Variants in SLC13A3 observed in about 807,000 individuals in gnomAD.
SLC13A3 encodes the protein Na(+)/dicarboxylate cotransporter 3.
Under a neutral mutation model 59.0 loss-of-function variants are expected in SLC13A3, and 40 were observed. The ratio of observed to expected loss-of-function variants is 0.68; its 90% confidence interval spans 0.53 to 0.88. SLC13A3 has a LOEUF of 0.88. Among genes scored for constraint, SLC13A3 ranks in the 40% least tolerant of loss-of-function variants. SLC13A3 has a pLI of 0.00. For missense variants in SLC13A3, 699 were observed against 783.2 expected (o/e 0.89, Z 1.28); for synonymous variants, 317 against 330.3 (o/e 0.96, Z 0.44).
chr20:46,613,693 C>G lies in SLC13A3; in HGVS notation c.144G>C (p.Met48Ile), dbSNP rs559408530. The change falls in exon 2 of 13, where the codon ATG becomes ATC. Residue 48 changes from methionine (M) to isoleucine (I), a missense_variant. By Grantham distance (10) the Met-to-Ile change is conservative. Coordinates refer to ENST00000279027, the MANE Select transcript of SLC13A3 (RefSeq NM_022829.6). ...EGRCLFVILL[M>I]AVYWCTEALP... is the part of the protein sequence containing the mutation. ...GGGCCTCCGTGCACCAGTACACCGC[C>G]ATGAGCAGGATGACAAACAAGCAGC... 6.2e-7 allele frequency: 1 copy of G among 1,607,272 alleles called. No individual in the cohort carries two copies. Among genetic ancestry groups the G allele is most frequent in the Admixed American group, 1.7e-5 (1 of 59,168 alleles).
chr20:46,567,198 T>A (rs1158232927), intron 10 of SLC13A3, among the ~76,000 whole-genome samples: 1 of 152,080 alleles, frequency 6.6e-6, no homozygotes, highest in Non-Finnish European at 1.5e-5. Flanking sequence ...AAAAGCTACA[T>A]ATATATATGT....
intron 3 of SLC13A3, among the ~76,000 whole-genome samples, chr20:46,601,269 C>CA (rs1296213482): frequency 6.6e-6 from 1 of 151,922 alleles, no homozygotes; most frequent in Non-Finnish European, 1.5e-5. Context: ...GGGAAAGGGG[C>CA]AAAAATGGAA....
chr20:46,574,706 A>G (rs888810517), intron 10 of SLC13A3, among the ~76,000 whole-genome samples: 1 of 152,204 alleles, frequency 6.6e-6, no homozygotes, highest in Admixed American at 6.5e-5. Context: ...GCTGTGTGAC[A>G]TTAGGTAAGG....
chr20:46,605,615 C>T (rs552933145), intron 3 of SLC13A3, among the ~76,000 whole-genome samples: 1 of 152,260 alleles, frequency 6.6e-6, no homozygotes, highest in African/African-American at 2.4e-5. Flanking sequence ...GAAACTGAGG[C>T]CTAGAGAGGT....
At chr20:46,677,109 T>C (rs1052761710) in intron 1 of SLC13A3, among the ~76,000 whole-genome samples, 33 of 152,188 alleles carry the variant, frequency 2.2e-4, no homozygotes, top group Admixed American at 2.2e-3. Context: ...AGACAGGGTT[T>C]CGCCATGTTG....
Position 46,589,244 on chromosome 20 carries a change from T to C in SLC13A3, c.932A>G (p.Lys311Arg). The change falls in exon 7 of 13, where the codon AAG becomes AGG. Residue 311 changes from lysine (K) to arginine (R), a missense_variant. Physicochemically the swap from Lys to Arg is conservative, Grantham distance 26. Coordinates refer to ENST00000279027, the MANE Select transcript of SLC13A3 (RefSeq NM_022829.6). ...ATTGGTTCTTATCTCAGATTTATTC[T>C]TCCTCCAGCCCCTGAAACAGAAAGT... Reference protein sequence around the residue: ...YGGLSFRGWRKNKSEIRTNAE... With the variant: ...YGGLSFRGWRRNKSEIRTNAE... 1 of 1,614,192 alleles carries C rather than the reference T, an allele frequency of 6.2e-7. No homozygotes were observed. The highest frequency in any genetic ancestry group is 8.5e-7 in the Non-Finnish European group (1 of 1,180,004).
chr20:46,606,821 C>T (rs1232241830), intron 3 of SLC13A3, among the ~76,000 whole-genome samples: 3 of 152,246 alleles, frequency 2.0e-5, no homozygotes, highest in Non-Finnish European at 4.4e-5. Flanking sequence ...TGCCTCCCCA[C>T]AGGGCTGTGG....
chr20:46,643,191 G>T (rs1009992723), intron 1 of SLC13A3, among the ~76,000 whole-genome samples: 1 of 152,114 alleles, frequency 6.6e-6, no homozygotes, highest in Non-Finnish European at 1.5e-5. Context: ...TACCCCATGG[G>T]TGGGAAGGGG....
At chr20:46,638,871 C>T (rs1380815059) in intron 1 of SLC13A3, among the ~76,000 whole-genome samples, 2 of 152,188 alleles carry the variant, frequency 1.3e-5, no homozygotes, top group East Asian at 3.8e-4. Context: ...GGCCTCTACC[C>T]ATCAGATGCC....
At chr20:46,614,214 T>C (rs569270013) in intron 1 of SLC13A3, among the ~76,000 whole-genome samples, 3 of 152,202 alleles carry the variant, frequency 2.0e-5, no homozygotes, top group South Asian at 2.1e-4. Context: ...TCAGTGTATG[T>C]CCCATGAGAA....
chr20:46,671,072 C>T (rs2063088615), upstream of SLC13A3, among the ~76,000 whole-genome samples: 1 of 152,066 alleles, frequency 6.6e-6, no homozygotes, highest in African/African-American at 2.4e-5. Context: ...GCCCAGTGCC[C>T]CTTTAGGAAC....
intron 10 of SLC13A3, 167 bp from the exon 11 acceptor site, chr20:46,566,557 G>T: frequency 1.5e-6 from 1 of 655,898 alleles, no homozygotes; most frequent in Non-Finnish European, 2.5e-6. Flanking sequence ...TTCGAGCCAA[G>T]GTCACACATC....
chr20:46,638,147 C>A (rs1386626558), intron 1 of SLC13A3, among the ~76,000 whole-genome samples: 1 of 152,186 alleles, frequency 6.6e-6, no homozygotes, highest in Non-Finnish European at 1.5e-5. Context: ...ACTGGCAGAG[C>A]AGGACTGGCT....
intron 1 of SLC13A3, among the ~76,000 whole-genome samples, chr20:46,661,654 C>T (rs1337510532): frequency 6.6e-6 from 1 of 152,086 alleles, no homozygotes. Flanking sequence ...AGGATTTTTT[C>T]AGCCTAGTTG....
intron 1 of SLC13A3, among the ~76,000 whole-genome samples, chr20:46,639,900 C>T (rs577395966): frequency 1.3e-5 from 2 of 152,286 alleles, no homozygotes; most frequent in East Asian, 3.9e-4. Context: ...GACCCTGGAG[C>T]CAGAATGGTG....
chr20:46,661,564 G>C (rs1363535475), intron 1 of SLC13A3, among the ~76,000 whole-genome samples: 2 of 151,288 alleles, frequency 1.3e-5, no homozygotes, highest in East Asian at 3.9e-4. Flanking sequence ...CTTGTGTAGA[G>C]CCAAGTTGCC....
At chr20:46,579,086 A>C (rs780192378) in intron 9 of SLC13A3, among the ~76,000 whole-genome samples, 1 of 152,078 alleles carries the variant, frequency 6.6e-6, no homozygotes, top group East Asian at 1.9e-4. Flanking sequence ...GCCTGGTTCT[A>C]TGTCCTGTCT....
rs2061951634 is a variant in SLC13A3, at chr20:46,563,548, TGGCCTG to T, written c.1495-3_1497del. 1 of 1,612,336 alleles carries T rather than the reference TGGCCTG, an allele frequency of 6.2e-7. No homozygotes were observed. Among genetic ancestry groups the T allele is most frequent in the Admixed American group, 1.7e-5 (1 of 59,828 alleles). ...TACAGGGGGTGCACTCTCAGGCGGA[TGGCCTG>T]GGCCAGGAAAAGGTGGGAGAGACCC... On this transcript the variant is annotated splice_acceptor_variant and splice_polypyrimidine_tract_variant and coding_sequence_variant and intron_variant, in exon 12 of 13. Coordinates refer to ENST00000279027, the MANE Select transcript of SLC13A3 (RefSeq NM_022829.6). LOFTEE classifies it high-confidence loss of function.
Position 46,563,400 on chromosome 20 carries a change from AT to A in SLC13A3, c.1632+13del, listed in dbSNP as rs140718691. ...CACATCCCGGGGCCTCTGCTGGGAA[AT>A]GCCCAGACTCACCATGTCTTTGACC... On this transcript the variant is annotated intron_variant, in intron 12 of 12. Coordinates refer to ENST00000279027, the MANE Select transcript of SLC13A3 (RefSeq NM_022829.6). 1,910 of 1,611,522 alleles carry A rather than the reference AT, an allele frequency of 1.2e-3. 33 individuals carry two copies. The East Asian group carries it at 0.038, about 32-fold the overall frequency.
Sources: allele counts gnomAD v4.1 joint callset (sites outside exome capture counted in the v4.1 genomes callset), GRCh38; gene constraint gnomAD v4.1.1; transcripts MANE v1.5; gene names NCBI Gene and HGNC (gene_info 2026-07-23, HGNC 2026-07-21).